ZMAT4: variants seen among roughly 807,000 people sequenced by gnomAD.
ZMAT4 encodes the protein zinc finger matrin-type protein 4.
A neutral mutation model predicts 28.7 loss-of-function variants in ZMAT4; 17 were observed. That is an observed-to-expected ratio of 0.59 (90% confidence interval 0.41 to 0.89). The LOEUF is 0.89. Ranked by LOEUF, ZMAT4 falls within the 40% of genes least tolerant of loss-of-function variation. The pLI, the probability that ZMAT4 is intolerant of heterozygous loss-of-function variation, is 0.00. For missense variants in ZMAT4, 240 were observed against 283.8 expected (o/e 0.85, Z 1.11); for synonymous variants, 117 against 109.2 (o/e 1.07, Z -0.44).
At chr8:40,648,957 C>T (rs1180771174) in intron 5 of ZMAT4, among the ~76,000 whole-genome samples, 1 of 142,086 alleles carries the variant, frequency 7.0e-6, no homozygotes, top group Non-Finnish European at 1.5e-5. Flanking sequence ...CCGGTACCAG[C>T]TGCTGCAAAA....
At position 40,532,238 on chromosome 8, in the gene ZMAT4, G is replaced by A; in HGVS notation, c.675C>T (p.Asn225=). ...AHLKGSKHQT[N]LKNK ...GATGCTTTCACTACTTATTCTTCAGGCTATAAGACAGAAGGAAACACAGTG... is the reference window on the plus strand; with the variant it reads ...GATGCTTTCACTACTTATTCTTCAGACTATAAGACAGAAGGAAACACAGTG... The change falls in exon 7 of 7, where the codon AAC becomes AAT. Residue 225 remains asparagine (N), a splice_region_variant and synonymous_variant. Transcript: ENST00000297737. The A allele has an allele frequency of 1.3e-6, 2 of 1,584,578 alleles. No individual in the cohort carries two copies. The highest frequency in any genetic ancestry group is 1.7e-6 in the Non-Finnish European group (2 of 1,165,034).
chr8:40,616,670 T>C (rs910583657), intron 5 of ZMAT4, among the ~76,000 whole-genome samples: 16 of 151,910 alleles, frequency 1.1e-4, no homozygotes, highest in Non-Finnish European at 2.4e-4. Context: ...CTCACTCATA[T>C]GTGGGAATTG....
intron 3 of ZMAT4, among the ~76,000 whole-genome samples, chr8:40,727,637 C>T (rs1411469027): frequency 6.6e-6 from 1 of 152,156 alleles, no homozygotes; most frequent in African/African-American, 2.4e-5. Flanking sequence ...ATCCCATTTC[C>T]TTATCAGAAG....
intron 2 of ZMAT4, among the ~76,000 whole-genome samples, chr8:40,823,330 A>C (rs1248900902): frequency 2.0e-5 from 3 of 152,144 alleles, no homozygotes; most frequent in Admixed American, 2.0e-4. Context: ...GCAGGGACAA[A>C]TTCCCCCATT....
At chr8:40,655,307 C>A (rs548755925) in intron 5 of ZMAT4, among the ~76,000 whole-genome samples, 1 of 151,520 alleles carries the variant, frequency 6.6e-6, no homozygotes. Context: ...TGAAAGAAAA[C>A]CTAAATAAAT....
At chr8:40,548,538 A>G (rs1803270658) in intron 6 of ZMAT4, among the ~76,000 whole-genome samples, 1 of 152,198 alleles carries the variant, frequency 6.6e-6, no homozygotes, top group South Asian at 2.1e-4. Flanking sequence ...TGAAATTTAA[A>G]GCCAAAGTAT....
At chr8:40,685,348 C>T (rs981631512) in intron 4 of ZMAT4, among the ~76,000 whole-genome samples, 3 of 152,152 alleles carry the variant, frequency 2.0e-5, no homozygotes, top group African/African-American at 7.2e-5. Flanking sequence ...AGCAATGAGG[C>T]TGATGAACAA....
At chr8:40,725,891 AG>A (rs1272530709) in intron 3 of ZMAT4, among the ~76,000 whole-genome samples, 2 of 151,766 alleles carry the variant, frequency 1.3e-5, no homozygotes, top group Non-Finnish European at 2.9e-5. Context: ...AACTGATAAT[AG>A]TATTCTAAAG....
At chr8:40,878,801 C>T (rs1213564042) in intron 1 of ZMAT4, among the ~76,000 whole-genome samples, 1 of 152,224 alleles carries the variant, frequency 6.6e-6, no homozygotes, top group East Asian at 1.9e-4. Flanking sequence ...GAGATGCCCC[C>T]TCCTCTGGGC....
intron 2 of ZMAT4, chr8:40,786,719 G>A (rs925398901): frequency 7.8e-7 from 1 of 1,289,154 alleles, no homozygotes; most frequent in South Asian, 1.2e-5. Flanking sequence ...ACCTTCTTCA[G>A]TGTGACATCT....
intron 5 of ZMAT4, among the ~76,000 whole-genome samples, chr8:40,628,727 G>C (rs907971327): frequency 6.6e-6 from 1 of 152,154 alleles, no homozygotes; most frequent in Non-Finnish European, 1.5e-5. Context: ...ACTTGGAGCA[G>C]AGAGATGGAA....
intron 5 of ZMAT4, among the ~76,000 whole-genome samples, chr8:40,674,080 C>CTTTTTT (rs59753899): frequency 9.3e-6 from 1 of 107,242 alleles, no homozygotes; most frequent in Non-Finnish European, 1.8e-5. Flanking sequence ...TTTTTATCAT[C>CTTTTTT]TTTTTTTTTT....
intron 3 of ZMAT4, among the ~76,000 whole-genome samples, chr8:40,699,235 G>A (rs1332677399): frequency 6.6e-6 from 1 of 152,070 alleles, no homozygotes; most frequent in Non-Finnish European, 1.5e-5. Context: ...TAAATGAGGA[G>A]TAGATTATGC....
intron 3 of ZMAT4, among the ~76,000 whole-genome samples, chr8:40,707,215 C>A (rs1810396018): frequency 1.4e-5 from 1 of 72,410 alleles, no homozygotes; most frequent in Non-Finnish European, 3.0e-5. Flanking sequence ...TTCAGGCCTG[C>A]CCCCCCACCC....
chr8:40,667,851 A>AT (rs1808493165), intron 5 of ZMAT4, among the ~76,000 whole-genome samples: 1 of 137,184 alleles, frequency 7.3e-6, no homozygotes, highest in African/African-American at 2.6e-5. Context: ...AAAAAAAACA[A>AT]CAAAAAAAAA....
At chr8:40,543,796 G>C (rs574323652) in intron 6 of ZMAT4, among the ~76,000 whole-genome samples, 1 of 152,142 alleles carries the variant, frequency 6.6e-6, no homozygotes, top group South Asian at 2.1e-4. Flanking sequence ...ACCCCTTAAA[G>C]ACTATTTTAT....
intron 5 of ZMAT4, among the ~76,000 whole-genome samples, chr8:40,589,589 C>G (rs1437268072): frequency 6.6e-6 from 1 of 152,140 alleles, no homozygotes; most frequent in Non-Finnish European, 1.5e-5. Context: ...ATTGGTCCCT[C>G]CAGACTCCAT....
chr8:40,599,232 T>C (rs1376125864), intron 5 of ZMAT4, among the ~76,000 whole-genome samples: 1 of 152,164 alleles, frequency 6.6e-6, no homozygotes, highest in Non-Finnish European at 1.5e-5. Flanking sequence ...GAATAAGAAA[T>C]GTCTGATTCA....
rs34256692 is a variant in ZMAT4, at chr8:40,737,812, A to AT, written c.192+29828dup. Among the ~76,000 whole-genome samples, 689 of 146,430 alleles carry AT rather than the reference A, an allele frequency of 4.7e-3. 5 individuals are homozygous for AT. Among genetic ancestry groups the AT allele is most frequent in the African/African-American group, 0.013 (524 of 40,354 alleles). The stretch of plus-strand genomic sequence containing the variant: ...ATTTAATCTGTCTTATCCTTTGCTT[A>AT]TTTTTTTTTTTTAATGAAGAGGATA... On this transcript the variant is annotated intron_variant, in intron 3 of 6. Coordinates refer to ENST00000297737, the MANE Select transcript of ZMAT4 (RefSeq NM_024645.3).
Sources: allele counts gnomAD v4.1 joint callset (sites outside exome capture counted in the v4.1 genomes callset), GRCh38; gene constraint gnomAD v4.1.1; transcripts MANE v1.5; gene names NCBI Gene and HGNC (gene_info 2026-07-23, HGNC 2026-07-21).